The following CUX1 variants were observed in gnomAD, a reference collection of about 807,000 sequenced individuals.
CUX1 encodes the protein protein CASP.
A neutral mutation model predicts 158.8 loss-of-function variants in CUX1; 31 were observed. The ratio of observed to expected loss-of-function variants is 0.20; its 90% CI spans 0.15 to 0.26. CUX1 has a LOEUF of 0.26. CUX1 is among the 10% of genes least tolerant of loss of function. The pLI, the probability that CUX1 is intolerant of heterozygous loss-of-function variation, is 1.00. For missense variants in CUX1, 1,589 were observed against 2,014.6 expected (o/e 0.79, Z 4.04); for synonymous variants, 879 against 862.1 (o/e 1.02, Z -0.34).
chr7:102,262,980 A>AGGAT (rs1275004600), downstream of CUX1, among the ~76,000 whole-genome samples: 2 of 150,040 alleles, frequency 1.3e-5, no homozygotes, highest in Non-Finnish European at 3.0e-5. Context: ...TGTTATAAGG[A>AGGAT]GGATGGGAAG....
intron 23 of CUX1, among the ~76,000 whole-genome samples, chr7:102,245,313 G>C (rs1419602712): frequency 6.6e-6 from 1 of 152,108 alleles, no homozygotes; most frequent in Non-Finnish European, 1.5e-5. Flanking sequence ...CAAAGCCCTG[G>C]GATTATAGGC....
At chr7:101,884,772 A>G (rs1013591819) in intron 1 of CUX1, among the ~76,000 whole-genome samples, 1 of 152,218 alleles carries the variant, frequency 6.6e-6, no homozygotes, top group Non-Finnish European at 1.5e-5. Flanking sequence ...TGGCACTTTA[A>G]TGGATATTTA....
chr7:102,218,611 C>T (rs1797476251), intron 20 of CUX1, among the ~76,000 whole-genome samples: 1 of 151,872 alleles, frequency 6.6e-6, no homozygotes, highest in Non-Finnish European at 1.5e-5. Context: ...TTGCTTGAGC[C>T]CAGGAGGTCG....
At chr7:102,200,495 A>G (rs1554519351) in intron 17 of CUX1, among the ~76,000 whole-genome samples, 1 of 151,980 alleles carries the variant, frequency 6.6e-6, no homozygotes, top group African/African-American at 2.4e-5. Context: ...GACATGTGCC[A>G]CCATGCCCAT....
At chr7:101,859,047 T>G (rs1319193533) in intron 1 of CUX1, among the ~76,000 whole-genome samples, 1 of 152,216 alleles carries the variant, frequency 6.6e-6, no homozygotes, top group Non-Finnish European at 1.5e-5. Context: ...GTCAGGTGGC[T>G]AATGATTGAA....
In CUX1 at chr7:102,234,128, C is replaced by T. The variant is rs1799288683; in HGVS notation, c.3510C>T (p.Pro1170=). The T allele has an allele frequency of 6.2e-7, 1 of 1,602,012 alleles. No individual in the cohort carries two copies. Among genetic ancestry groups the T allele is most frequent in the Non-Finnish European group, 8.5e-7 (1 of 1,175,010 alleles). Reference sequence around the variant, plus strand: ...CTGACCTCCTTGCCCGCCCCAAACCCTGGCATAAGCTCAGTCTGAAAGGAC... The same window carrying T: ...CTGACCTCCTTGCCCGCCCCAAACCTTGGCATAAGCTCAGTCTGAAAGGAC... ...SVSDLLARPK[P]WHKLSLKGRE... The change falls in exon 22 of 24, where the codon CCC becomes CCT. Residue 1170 remains proline (P), a synonymous_variant. Transcript: ENST00000292535.
intron 23 of CUX1, among the ~76,000 whole-genome samples, chr7:102,241,986 G>A (rs1272747457): frequency 6.6e-6 from 1 of 152,142 alleles, no homozygotes; most frequent in Non-Finnish European, 1.5e-5. Context: ...AGAAAGTCCA[G>A]GAGCTGCACA....
chr7:102,193,556 A>G (rs1364930175), intron 12 of CUX1, among the ~76,000 whole-genome samples: 1 of 152,132 alleles, frequency 6.6e-6, no homozygotes, highest in East Asian at 1.9e-4. Flanking sequence ...TGTAATACCA[A>G]CACTTTGGGA....
At chr7:102,243,666 A>AATAATAATG (rs1800481474) in intron 23 of CUX1, among the ~76,000 whole-genome samples, 2 of 147,124 alleles carry the variant, frequency 1.4e-5, no homozygotes, top group Non-Finnish European at 3.0e-5. Flanking sequence ...TAATAATAAT[A>AATAATAATG]ATAATAATAA....
rs554136468 is a variant in CUX1 at position 101,887,843 on chromosome 7, A to AT, written c.31-28251dup. Among the ~76,000 whole-genome samples the AT allele has an allele frequency of 2.2e-3, 170 of 76,900 alleles. 1 individual carries two copies. The highest frequency in any genetic ancestry group is 7.1e-3 in the Middle Eastern group (1 of 140). The allele number at this position is 76,900 out of a possible 152,430, so 50.4% of individuals were successfully genotyped here. On this transcript the variant is annotated intron_variant, in intron 1 of 23. Coordinates refer to ENST00000292535, the MANE Select transcript of CUX1 (RefSeq NM_181552.4). ...CACTGGATCTGGTGATGACGGTGAC[A>AT]TTTTTTTTTTTTTTTTTTTTTGTTT...
At chr7:101,825,959 C>G (rs971202142) in intron 1 of CUX1, among the ~76,000 whole-genome samples, 10 of 152,108 alleles carry the variant, frequency 6.6e-5, no homozygotes, top group African/African-American at 2.2e-4. Context: ...TTAATCTTCC[C>G]GAACCATTGA....
intron 3 of CUX1, 23 bp from the exon 4 acceptor site, chr7:102,070,316 T>C: frequency 7.5e-6 from 12 of 1,596,864 alleles, no homozygotes; most frequent in Non-Finnish European, 1.0e-5. Flanking sequence ...TGTTTTTCTT[T>C]TCTTTCTTTC....
At chr7:102,199,563 A>G (rs918484302) in intron 16 of CUX1, among the ~76,000 whole-genome samples, 4 of 152,322 alleles carry the variant, frequency 2.6e-5, no homozygotes, top group South Asian at 2.1e-4. Context: ...ATTATGTGAT[A>G]ATAGGTGCAA....
intron 1 of CUX1, among the ~76,000 whole-genome samples, chr7:101,875,782 CCTGA>C (rs1303461532): frequency 6.6e-6 from 1 of 152,120 alleles, no homozygotes. Context: ...ATTACGTAGG[CCTGA>C]CTTTTTGCCT....
At chr7:101,972,629 G>T (rs373633846) in intron 2 of CUX1, among the ~76,000 whole-genome samples, 1 of 152,166 alleles carries the variant, frequency 6.6e-6, no homozygotes, top group South Asian at 2.1e-4. Context: ...GTATTCACGC[G>T]CCCTCACCAC....
intron 12 of CUX1, among the ~76,000 whole-genome samples, chr7:102,190,761 A>G (rs1794187432): frequency 6.6e-6 from 1 of 151,768 alleles, no homozygotes; most frequent in African/African-American, 2.4e-5. Context: ...CCCAACCACT[A>G]TCCACAGATG....
At chr7:101,984,145 T>G (rs1278750489) in intron 2 of CUX1, among the ~76,000 whole-genome samples, 8 of 79,484 alleles carry the variant, frequency 1.0e-4, no homozygotes, top group African/African-American at 3.5e-4. Context: ...CACACATATA[T>G]ATATGTGTGT....
At chr7:102,101,639 G>A (rs545921212) in intron 5 of CUX1, among the ~76,000 whole-genome samples, 164 of 152,318 alleles carry the variant, frequency 1.1e-3, no homozygotes, top group African/African-American at 3.8e-3. Context: ...GCCAGGCATG[G>A]TGGCTCATGC....
At chr7:102,144,087 G>A (rs1200779812) in intron 8 of CUX1, among the ~76,000 whole-genome samples, 8 of 152,064 alleles carry the variant, frequency 5.3e-5, no homozygotes, top group East Asian at 1.9e-4. Context: ...CAGCCAGGAC[G>A]GCCACTTCTA....
Sources: allele counts gnomAD v4.1 joint callset (sites outside exome capture counted in the v4.1 genomes callset), GRCh38; gene constraint gnomAD v4.1.1; transcripts MANE v1.5; gene names NCBI Gene and HGNC (gene_info 2026-07-23, HGNC 2026-07-21).